The following QRFPR variants were observed in gnomAD, a reference collection of about 807,000 sequenced individuals.
QRFPR encodes pyroglutamylated RF-amide peptide receptor.
QRFPR carries 37 observed loss-of-function variants against 31.3 expected under a neutral mutation model. The ratio of observed to expected loss-of-function variants is 1.18; its 90% CI spans 0.91 to 1.56. QRFPR has a LOEUF of 1.56. Among genes scored for constraint, QRFPR ranks in the 40% most tolerant of loss-of-function variants. The probability of loss-of-function intolerance (pLI) is 0.00; values close to 1 mark genes in which losing one functional copy is unlikely to be tolerated. For synonymous variants in QRFPR, 197 were observed against 192.0 expected (o/e 1.03, Z -0.22); for missense variants, 542 against 532.5 (o/e 1.02, Z -0.18).
chr4:121,364,142 A>T (rs184173330), intron 1 of QRFPR, among the ~76,000 whole-genome samples: 13 of 149,912 alleles, frequency 8.7e-5, no homozygotes, highest in Admixed American at 2.0e-4. Context: ...AATCAGTAGG[A>T]TGGCTCTGTA....
rs535494562 is a variant in QRFPR, at chr4:121,364,958, G to A, written c.340+15350C>T. 3.9e-4 allele frequency among the ~76,000 whole-genome samples: 59 copies of A among 149,956 alleles called. 5 individuals carry two copies. In the South Asian group the frequency reaches 7.4e-3, roughly 19 times the overall value. ...GTCACATTCATGGCCCAGCCCTGGA[G>A]ATTCAGGAATTCTTTATGCTGAGCT... On this transcript the variant is annotated intron_variant, in intron 1 of 5. Coordinates refer to ENST00000394427, the MANE Select transcript of QRFPR (RefSeq NM_198179.3).
Position 121,380,279 on chromosome 4 carries a change from G to A in QRFPR, c.340+29C>T, listed in dbSNP as rs768288069. The A allele has an allele frequency of 6.2e-6, 9 of 1,449,856 alleles. No individual in the cohort carries two copies. The Admixed American group carries it at 1.5e-4, about 24-fold the overall frequency. The allele number at this position is 1,449,856 out of a possible 1,614,324, so 89.8% of individuals were successfully genotyped here. On this transcript the variant is annotated intron_variant, in intron 1 of 5. Coordinates refer to ENST00000394427, the MANE Select transcript of QRFPR (RefSeq NM_198179.3). ...TGAAAGGCAGAGGGTTAAGAGAGAA[G>A]GAGCGAAGGAGCGGGGCGCGACTCT...
chr4:121,356,632 G>T (rs889628719), intron 1 of QRFPR, among the ~76,000 whole-genome samples: 2 of 152,152 alleles, frequency 1.3e-5, no homozygotes, highest in Non-Finnish European at 2.9e-5. Flanking sequence ...GTACTAGGGG[G>T]CAGCCTAAGA....
chr4:121,346,425 T>C (rs184288271), intron 1 of QRFPR, among the ~76,000 whole-genome samples: 1 of 152,302 alleles, frequency 6.6e-6, no homozygotes, highest in African/African-American at 2.4e-5. Flanking sequence ...AACTCACTTA[T>C]TACCTCTAGG....
intron 1 of QRFPR, among the ~76,000 whole-genome samples, chr4:121,365,120 T>A (rs747769557): frequency 6.7e-6 from 1 of 149,580 alleles, no homozygotes; most frequent in Non-Finnish European, 1.5e-5. Context: ...TTTAAGTAAG[T>A]TGAATCTTTT....
At chr4:121,359,094 G>T (rs759735221) in intron 1 of QRFPR, among the ~76,000 whole-genome samples, 1 of 152,112 alleles carries the variant, frequency 6.6e-6, no homozygotes, top group African/African-American at 2.4e-5. Flanking sequence ...CACAATTAGT[G>T]TAGAGAATAG....
chr4:121,354,890 A>T (rs1276177543), intron 1 of QRFPR, among the ~76,000 whole-genome samples: 5 of 152,228 alleles, frequency 3.3e-5, no homozygotes, highest in South Asian at 4.1e-4. Flanking sequence ...GCATAGGTTG[A>T]ACTATCCTTG....
intron 1 of QRFPR, 120 bp downstream of exon 1, chr4:121,380,186 GGA>G (rs70950816): frequency 0.022 from 5,074 of 233,328 alleles, 19 homozygotes; most frequent in East Asian, 0.049. Flanking sequence ...AGACGAGAGA[GGA>G]GAGAGAGAGA....
intron 1 of QRFPR, among the ~76,000 whole-genome samples, chr4:121,351,967 CAAAT>C (rs1240250905): frequency 8.6e-5 from 13 of 151,308 alleles, no homozygotes; most frequent in South Asian, 8.3e-4. Context: ...AAACAGTAAA[CAAAT>C]AATATATTCA....
chr4:121,380,186 G>GGA (rs70950816), intron 1 of QRFPR, 122 bp downstream of exon 1: 3,029 of 234,158 alleles, frequency 0.013, 20 homozygotes, highest in East Asian at 0.04. Context: ...AGACGAGAGA[G>GGA]GAGAGAGAGA....
In QRFPR at chr4:121,332,972, T is replaced by C. The variant is rs1725359241; in HGVS notation, c.646A>G (p.Thr216Ala). 4 of 1,613,878 alleles carry C rather than the reference T, an allele frequency of 2.5e-6. No individual in the cohort carries two copies. Among genetic ancestry groups the C allele is most frequent in the Admixed American group, 3.3e-5 (2 of 59,998 alleles). Residue 216 changes from threonine to alanine, a missense_variant, in exon 4 of 6, where the codon ACC becomes GCC. By Grantham distance (58) the Thr-to-Ala change is moderately conservative (BLOSUM62 0). Transcript: ENST00000394427. ...AGGAAGAGGATGACAAGGATGAAGG[T>C]GGTGTAGATCTTCTGGTGCACAGGG... ...TSPVHQKIYT[T>A]FILVILFLLP...
intron 1 of QRFPR, among the ~76,000 whole-genome samples, chr4:121,369,219 G>A (rs1168420688): frequency 6.6e-6 from 1 of 152,168 alleles, no homozygotes. Context: ...AGTAGAGACA[G>A]GGTTTCATTG....
chr4:121,347,505 A>G (rs890081797), intron 1 of QRFPR, among the ~76,000 whole-genome samples: 1 of 152,108 alleles, frequency 6.6e-6, no homozygotes, highest in African/African-American at 2.4e-5. Flanking sequence ...ACTGTCTTCA[A>G]TAATTTATTT....
chr4:121,333,982 G>A (rs892503142), intron 3 of QRFPR, among the ~76,000 whole-genome samples: 1 of 152,168 alleles, frequency 6.6e-6, no homozygotes, highest in Non-Finnish European at 1.5e-5. Context: ...CTCATCAAAG[G>A]TAAGAAAATT....
intron 1 of QRFPR, among the ~76,000 whole-genome samples, chr4:121,377,464 C>A (rs1261473180): frequency 2.0e-5 from 3 of 151,512 alleles, no homozygotes; most frequent in Admixed American, 6.6e-5. Flanking sequence ...TCATTTCCTG[C>A]CATTCCCCAC....
intron 1 of QRFPR, among the ~76,000 whole-genome samples, chr4:121,365,595 T>TA (rs1179424359): frequency 6.5e-4 from 3 of 4,626 alleles, no homozygotes; most frequent in Admixed American, 4.9e-3. Context: ...ATATATTATA[T>TA]ATATATAATA....
intron 1 of QRFPR, among the ~76,000 whole-genome samples, chr4:121,367,340 C>A (rs533168297): frequency 1.3e-5 from 2 of 149,928 alleles, no homozygotes; most frequent in Non-Finnish European, 1.5e-5. Context: ...CCACTTTATC[C>A]TCCTCTAGAG....
chr4:121,346,081 G>T (rs1476364786), intron 1 of QRFPR, among the ~76,000 whole-genome samples: 1 of 152,128 alleles, frequency 6.6e-6, no homozygotes, highest in African/African-American at 2.4e-5. Context: ...TTGTTCCAAG[G>T]TTGTTGAAAA....
In QRFPR at chr4:121,368,754, C is replaced by T. The variant is rs145323889; in HGVS notation, c.340+11554G>A. Among the ~76,000 whole-genome samples, 66 of 152,074 alleles carry T rather than the reference C, an allele frequency of 4.3e-4. 4 individuals are homozygous for T. The East Asian group carries it at 0.011, about 26-fold the overall frequency. On this transcript the variant is annotated intron_variant, in intron 1 of 5. Coordinates refer to ENST00000394427, the MANE Select transcript of QRFPR (RefSeq NM_198179.3). ...ACCTCTACGCCATGATTTGTCAATG[C>T]TCACATGGATAGTGGTAAGGAATCA...
Sources: allele counts gnomAD v4.1 joint callset (sites outside exome capture counted in the v4.1 genomes callset), GRCh38; gene constraint gnomAD v4.1.1; transcripts MANE v1.5; gene names NCBI Gene and HGNC (gene_info 2026-07-23, HGNC 2026-07-21).